The following ATF7IP variants were observed in gnomAD, a reference collection of about 807,000 sequenced individuals.
ATF7IP encodes the protein activating transcription factor 7-interacting protein 1.
In ATF7IP, 23 loss-of-function variants were observed where a neutral mutation model predicts 106.4. The observed-to-expected ratio is 0.22, with a 90% CI of 0.16 to 0.31. The LOEUF (loss-of-function observed/expected upper bound fraction) is 0.31. ATF7IP is among the 10% of genes least tolerant of loss of function. ATF7IP has a pLI of 1.00. For missense variants in ATF7IP, 1,334 were observed against 1,524.3 expected, an observed-to-expected ratio of 0.88 and a Z score of 2.08; for synonymous variants, 542 against 539.0, an observed-to-expected ratio of 1.01 and a Z score of -0.08.
intron 1 of ATF7IP, among the ~76,000 whole-genome samples, chr12:14,400,164 T>C (rs1048226218): frequency 6.6e-6 from 1 of 152,228 alleles, no homozygotes; most frequent in Admixed American, 6.5e-5. Flanking sequence ...TGAAAGTCTG[T>C]ATTTGTATCG....
intron 10 of ATF7IP, among the ~76,000 whole-genome samples, chr12:14,474,752 C>T (rs1184699570): frequency 2.0e-5 from 3 of 152,124 alleles, no homozygotes; most frequent in Non-Finnish European, 4.4e-5. Context: ...GATGTAATAT[C>T]TGGCTCTGCT....
At chr12:14,423,030 G>A (rs912860030) in intron 1 of ATF7IP, among the ~76,000 whole-genome samples, 1 of 152,094 alleles carries the variant, frequency 6.6e-6, no homozygotes, top group Admixed American at 6.6e-5. Context: ...GAAAGTTCCA[G>A]TTTTTTCACA....
intron 1 of ATF7IP, among the ~76,000 whole-genome samples, chr12:14,392,378 G>A (rs1307358880): frequency 6.6e-6 from 1 of 152,096 alleles, no homozygotes; most frequent in Non-Finnish European, 1.5e-5. Context: ...CACAGAGCAG[G>A]GTCTTTAGAA....
chr12:14,375,092 A>G (rs1298910948), intron 1 of ATF7IP, among the ~76,000 whole-genome samples: 1 of 152,032 alleles, frequency 6.6e-6, no homozygotes, highest in Admixed American at 6.6e-5. Context: ...AATATTCAAT[A>G]AATACTTGCT....
chr12:14,411,099 A>G (rs145545449), intron 1 of ATF7IP, among the ~76,000 whole-genome samples: 5 of 152,188 alleles, frequency 3.3e-5, no homozygotes, highest in African/African-American at 1.2e-4. Flanking sequence ...TTTGTGTACA[A>G]GTTTTTGTGT....
At chr12:14,374,200 G>T (rs1234190372) in intron 1 of ATF7IP, among the ~76,000 whole-genome samples, 1 of 150,736 alleles carries the variant, frequency 6.6e-6, no homozygotes, top group Non-Finnish European at 1.5e-5. Flanking sequence ...TGGGCTCAAG[G>T]GATCCTCCTG....
intron 5 of ATF7IP, among the ~76,000 whole-genome samples, chr12:14,443,974 A>T (rs1189385291): frequency 1.3e-5 from 2 of 152,206 alleles, no homozygotes; most frequent in Non-Finnish European, 2.9e-5. Context: ...TTTTAAGACC[A>T]TTATGAAGAA....
chr12:14,472,908 G>A (rs1944107355), intron 10 of ATF7IP, among the ~76,000 whole-genome samples: 1 of 152,018 alleles, frequency 6.6e-6, no homozygotes, highest in Admixed American at 6.6e-5. Context: ...GGTTTAATTG[G>A]CTCATGGTTC....
At chr12:14,374,526 G>A (rs1938656945) in intron 1 of ATF7IP, among the ~76,000 whole-genome samples, 1 of 152,068 alleles carries the variant, frequency 6.6e-6, no homozygotes, top group African/African-American at 2.4e-5. Context: ...GTTAAAAGTA[G>A]CTTTCTACAG....
rs1490724135 is a variant in ATF7IP at position 14,500,327 on chromosome 12, A to G, written c.*2254A>G. On this transcript the variant is annotated 3_prime_UTR_variant, in exon 15 of 15. Coordinates refer to ENST00000261168, the MANE Select transcript of ATF7IP (RefSeq NM_018179.5). Reference sequence around the variant, plus strand: ...GATGAAGAAAGCCTATAGATTGCCAAAAAATTAATTCTCCAAACCACCTTT... The same window carrying G: ...GATGAAGAAAGCCTATAGATTGCCAGAAAATTAATTCTCCAAACCACCTTT... The G allele has an allele frequency of 2.6e-5, 4 of 152,238 alleles. No homozygotes were observed. The highest frequency in any genetic ancestry group is 4.8e-5 in the African/African-American group (2 of 41,464). 9.4% of individuals were successfully genotyped at this position (152,238 alleles called of 1,614,324 possible).
chr12:14,473,636 A>G (rs2136780351), intron 10 of ATF7IP, among the ~76,000 whole-genome samples: 1 of 152,098 alleles, frequency 6.6e-6, no homozygotes, highest in Admixed American at 6.5e-5. Context: ...TCTTCCTATG[A>G]TCCAAGTTGG....
Position 14,502,312 on chromosome 12 carries a change from C to T in ATF7IP, c.*4239C>T, listed in dbSNP as rs900319740. The T allele has an allele frequency of 6.6e-6, 1 of 152,066 alleles. No individual in the cohort carries two copies. Among genetic ancestry groups the T allele is most frequent in the Non-Finnish European group, 1.5e-5 (1 of 68,016 alleles). 9.4% of individuals were successfully genotyped at this position (152,066 alleles called of 1,614,324 possible). ...ACAAAAATCAGCAATTCTCATGAAG[C>T]GTTTGTTAGTGTGGCAGACTTGTCT... On this transcript the variant is annotated 3_prime_UTR_variant, in exon 15 of 15. Transcript: ENST00000261168.
chr12:14,454,057 T>G (rs1436422774), intron 6 of ATF7IP, among the ~76,000 whole-genome samples: 4 of 152,212 alleles, frequency 2.6e-5, no homozygotes, highest in Admixed American at 2.0e-4. Context: ...TTTGTATGCT[T>G]GTTGAAATTT....
chr12:14,492,237 G>C (rs1196165896), intron 13 of ATF7IP, among the ~76,000 whole-genome samples: 1 of 152,194 alleles, frequency 6.6e-6, no homozygotes, highest in Non-Finnish European at 1.5e-5. Context: ...ACCTCCATAA[G>C]CCTGTACTTT....
chr12:14,378,112 T>TG (rs1386842335), intron 1 of ATF7IP, among the ~76,000 whole-genome samples: 1 of 151,494 alleles, frequency 6.6e-6, no homozygotes, highest in Non-Finnish European at 1.5e-5. Context: ...TTTTTTTTTT[T>TG]TTTGAAATGG....
intron 13 of ATF7IP, among the ~76,000 whole-genome samples, chr12:14,492,628 A>G (rs1258951875): frequency 1.3e-5 from 2 of 152,090 alleles, no homozygotes; most frequent in Non-Finnish European, 2.9e-5. Flanking sequence ...TATCAGTTTC[A>G]TCTTTAGGAA....
At chr12:14,368,671 A>G (rs762522375) in intron 1 of ATF7IP, among the ~76,000 whole-genome samples, 1 of 152,132 alleles carries the variant, frequency 6.6e-6, no homozygotes. Flanking sequence ...GATGGGTGAA[A>G]AATAGTAGCT....
At chr12:14,383,194 T>C (rs1939069650) in intron 1 of ATF7IP, among the ~76,000 whole-genome samples, 1 of 152,178 alleles carries the variant, frequency 6.6e-6, no homozygotes, top group South Asian at 2.1e-4. Flanking sequence ...TTCTGGATTT[T>C]CGGATTAGGG....
chr12:14,453,865 T>G (rs1192027780), intron 6 of ATF7IP, among the ~76,000 whole-genome samples: 42 of 152,166 alleles, frequency 2.8e-4, no homozygotes, highest in Admixed American at 2.7e-3. Flanking sequence ...CCTCAGGTGA[T>G]CTGCCCGCCT....
Sources: gnomAD v4.1 joint callset for allele counts (sites outside exome capture counted in the v4.1 genomes callset) on GRCh38, gnomAD v4.1.1 for gene constraint, MANE v1.5 for transcripts, NCBI Gene and HGNC (gene_info 2026-07-23, HGNC 2026-07-21) for gene names.